Variants in RFC3 observed in about 807,000 individuals in gnomAD.
RFC3 encodes the protein A1 38 kDa subunit.
A neutral mutation model predicts 45.1 loss-of-function variants in RFC3; 41 were observed. The ratio of observed to expected loss-of-function variants is 0.91; its 90% confidence interval spans 0.71 to 1.18. The LOEUF is 1.18. RFC3 is among the 50% of genes most tolerant of loss of function. RFC3 has a pLI of 0.00. For missense variants in RFC3, 423 were observed against 428.1 expected, an observed-to-expected ratio of 0.99 and a Z score of 0.10; for synonymous variants, 149 against 144.0, an observed-to-expected ratio of 1.03 and a Z score of -0.25.
intron 8 of RFC3, among the ~76,000 whole-genome samples, chr13:33,863,686 G>A (rs111923037): frequency 3.3e-4 from 51 of 152,298 alleles, no homozygotes; most frequent in African/African-American, 1.1e-3. Context: ...TTGATACTGC[G>A]TGGATACACA....
intron 8 of RFC3, among the ~76,000 whole-genome samples, chr13:33,953,543 T>C (rs2083003285): frequency 6.6e-6 from 1 of 152,066 alleles, no homozygotes; most frequent in Non-Finnish European, 1.5e-5. Flanking sequence ...GGGAAAACAG[T>C]TTCTTGTTTT....
chr13:33,904,544 C>A (rs1461769085), intron 8 of RFC3, among the ~76,000 whole-genome samples: 1 of 152,010 alleles, frequency 6.6e-6, no homozygotes, highest in Non-Finnish European at 1.5e-5. Context: ...TCCAGTCTTT[C>A]TTCACATTAA....
intron 7 of RFC3, among the ~76,000 whole-genome samples, chr13:33,832,810 A>G (rs1197122128): frequency 6.6e-6 from 1 of 152,116 alleles, no homozygotes; most frequent in Non-Finnish European, 1.5e-5. Context: ...TTTTGTTCTG[A>G]TATTAAAGAA....
exon 9 of RFC3, chr13:33,966,129 C>T (rs758240686): frequency 2.6e-5 from 41 of 1,607,328 alleles, no homozygotes; most frequent in Non-Finnish European, 3.5e-5. Context: ...ATTCTGAGGA[C>T]CTCCAAAGAA....
chr13:33,840,194 T>C (rs1372246271), downstream of RFC3, among the ~76,000 whole-genome samples: 1 of 152,290 alleles, frequency 6.6e-6, no homozygotes, highest in African/African-American at 2.4e-5. Context: ...TTTTGAATAT[T>C]TTTCTGCCCC....
At chr13:33,820,488 T>C (rs2081991701) in intron 1 of RFC3, among the ~76,000 whole-genome samples, 1 of 152,204 alleles carries the variant, frequency 6.6e-6, no homozygotes. Context: ...TATGTTGGCT[T>C]TAAGAGTTTC....
At chr13:33,971,554 G>A (rs996513707), downstream of RFC3, among the ~76,000 whole-genome samples, 6 of 152,168 alleles carry the variant, frequency 3.9e-5, no homozygotes, top group Non-Finnish European at 7.3e-5. Context: ...CAATTCTGCC[G>A]TTATGGCATA....
chr13:33,972,810 T>G, the RFC3 span, among the ~76,000 whole-genome samples: 1 of 152,196 alleles, frequency 6.6e-6, no homozygotes, highest in East Asian at 1.9e-4. Context: ...TATTAGATGC[T>G]AATGTATTAC....
intron 8 of RFC3, among the ~76,000 whole-genome samples, chr13:33,886,727 G>T (rs1017627781): frequency 2.0e-5 from 3 of 146,900 alleles, no homozygotes; most frequent in African/African-American, 7.6e-5. Context: ...CTGGTGTGCT[G>T]CACCCATTAA....
chr13:33,945,847 C>T lies in RFC3; in HGVS notation c.880-20240C>T, dbSNP rs181845559. 1.4e-3 allele frequency among the ~76,000 whole-genome samples: 213 copies of T among 152,298 alleles called. 2 individuals are homozygous for T. The highest frequency in any genetic ancestry group is 4.8e-3 in the African/African-American group (198 of 41,564). The stretch of plus-strand genomic sequence containing the variant: ...CCTTCTTCCTACTACCTGCAAACAC[C>T]ACATTTGTATCCCTTTCTAAGGCGG... On this transcript the variant is annotated intron_variant, in intron 8 of 8. Transcript: ENST00000434425.
At chr13:33,914,174 T>C (rs895771288) in intron 8 of RFC3, among the ~76,000 whole-genome samples, 1 of 152,170 alleles carries the variant, frequency 6.6e-6, no homozygotes, top group Non-Finnish European at 1.5e-5. Context: ...TTATTTCTAC[T>C]TTTAAGCTAA....
chr13:33,834,329 T>TATACATATATATATACACATAC (rs1300798923), intron 7 of RFC3, among the ~76,000 whole-genome samples: 1 of 125,106 alleles, frequency 8.0e-6, no homozygotes. Flanking sequence ...TATATATATA[T>TATACATATATATATACACATAC]ATCTGTACTG....
intron 8 of RFC3, among the ~76,000 whole-genome samples, chr13:33,928,499 C>T (rs553604022): frequency 2.6e-5 from 4 of 152,104 alleles, no homozygotes; most frequent in East Asian, 1.9e-4. Context: ...TTGATATTCA[C>T]GGGTATACAC....
chr13:33,861,015 C>T (rs1034144440), intron 8 of RFC3, among the ~76,000 whole-genome samples: 2 of 152,120 alleles, frequency 1.3e-5, no homozygotes, highest in Non-Finnish European at 2.9e-5. Flanking sequence ...CCTCCCGCCT[C>T]AGCCTCCTGA....
At chr13:33,941,544 A>C (rs1011924500) in intron 8 of RFC3, among the ~76,000 whole-genome samples, 1 of 152,074 alleles carries the variant, frequency 6.6e-6, no homozygotes, top group Non-Finnish European at 1.5e-5. Context: ...CTAGTTTGGC[A>C]CTTTGTTTTT....
chr13:33,836,126 A>G lies in RFC3; in HGVS notation c.902A>G (p.His301Arg). ...TAGGGCCTTCTCTCAGAACTGTTACATAATTGTGATGGACAACTGAAAGGG... is the reference window on the plus strand; with the variant it reads ...TAGGGCCTTCTCTCAGAACTGTTACGTAATTGTGATGGACAACTGAAAGGG... Reference protein sequence around the residue: ...IMKGLLSELLHNCDGQLKGEV... With the variant: ...IMKGLLSELLRNCDGQLKGEV... Residue 301 changes from histidine to arginine, a missense_variant, in exon 9 of 9, where the codon CAT (histidine) becomes CGT (arginine). Physicochemically the swap from His to Arg is conservative, Grantham distance 29. Coordinates refer to ENST00000380071, the MANE Select transcript of RFC3 (RefSeq NM_002915.4). 6.2e-7 allele frequency: 1 copy of G among 1,612,918 alleles called. No homozygotes were observed. The highest frequency in any genetic ancestry group is 8.5e-7 in the Non-Finnish European group (1 of 1,179,096).
At chr13:33,843,021 C>T (rs775588716) in intron 8 of RFC3, among the ~76,000 whole-genome samples, 1 of 152,046 alleles carries the variant, frequency 6.6e-6, no homozygotes, top group Admixed American at 6.6e-5. Flanking sequence ...AGTAATAGTA[C>T]ATTAAATATT....
Position 33,902,964 on chromosome 13 carries a change from T to C in RFC3, c.880-63123T>C, listed in dbSNP as rs572004340. Among the ~76,000 whole-genome samples, 14 of 152,128 alleles carry C rather than the reference T, an allele frequency of 9.2e-5. No individual in the cohort carries two copies. In the South Asian group the frequency reaches 2.9e-3, roughly 32 times the overall value. On this transcript the variant is annotated intron_variant, in intron 8 of 8. Transcript: ENST00000434425. ...TCCCGTAATGTTTTAAGAAAATTTA[T>C]GAATTTGTCTTAGGCTGCATTCAAA...
chr13:33,821,051 T>C, intron 1 of RFC3, 81 bp from the exon 2 acceptor site: 1 of 1,391,678 alleles, frequency 7.2e-7, no homozygotes, highest in Non-Finnish European at 9.9e-7. Flanking sequence ...ACATAAAATA[T>C]TTGTTACTTA....
Sources: allele counts gnomAD v4.1 joint callset (sites outside exome capture counted in the v4.1 genomes callset), GRCh38; gene constraint gnomAD v4.1.1; transcripts MANE v1.5; gene names NCBI Gene and HGNC (gene_info 2026-07-23, HGNC 2026-07-21).